MROH2A: variants seen among roughly 807,000 people sequenced by gnomAD.
MROH2A encodes maestro heat like repeat family member 2A.
MROH2A carries 174 observed loss-of-function variants against 200.4 expected under a neutral mutation model. That is an observed-to-expected ratio of 0.87 (90% CI 0.77 to 0.98). The LOEUF (loss-of-function observed/expected upper bound fraction) is 0.98. Among genes scored for constraint, MROH2A ranks in the 50% least tolerant of loss-of-function variants. The pLI, the probability that MROH2A is intolerant of heterozygous loss-of-function variation, is 0.00. For synonymous variants in MROH2A, 829 were observed against 840.4 expected, an observed-to-expected ratio of 0.99 and a Z score of 0.23; for missense variants, 2,045 against 2,139.6, an observed-to-expected ratio of 0.96 and a Z score of 0.87.
At chr2:233,822,318 G>A in intron 32 of MROH2A, 35 bp downstream of exon 32, 1 of 1,548,264 alleles carries the variant, frequency 6.5e-7, no homozygotes, top group Non-Finnish European at 8.7e-7. Context: ...GGCTCCTCAG[G>A]GGTCTCTGGG....
At chr2:233,816,683 C>T (rs757695158) in intron 26 of MROH2A, 98 bp from the exon 27 acceptor site, 58 of 683,366 alleles carry the variant, frequency 8.5e-5, no homozygotes, top group Non-Finnish European at 6.7e-5. Context: ...CATTGAAAGT[C>T]GATCTGAGTA....
chr2:233,787,665 T>G (rs62648949), intron 3 of MROH2A, among the ~76,000 whole-genome samples: 3 of 75,898 alleles, frequency 4.0e-5, no homozygotes, highest in Admixed American at 4.6e-4. Flanking sequence ...ACATATATAT[T>G]ATATATATTA....
intron 3 of MROH2A, among the ~76,000 whole-genome samples, chr2:233,788,924 G>A (rs577349602): frequency 5.3e-4 from 62 of 116,958 alleles, no homozygotes; most frequent in African/African-American, 1.9e-3. Context: ...GGGCGGCAGA[G>A]CGAGACTCCG....
At position 233,829,080 on chromosome 2, in the gene MROH2A, C is replaced by T. The variant is rs1023460191; in HGVS notation, c.4446+8C>T. The T allele has an allele frequency of 3.5e-5, 52 of 1,500,062 alleles. No homozygotes were observed. Among genetic ancestry groups the T allele is most frequent in the East Asian group, 7.4e-5 (3 of 40,420 alleles). 92.9% of individuals were successfully genotyped at this position (1,500,062 alleles called of 1,614,324 possible). A position where few individuals can be genotyped will look rare whatever the true frequency, so the allele number is the denominator to read the frequency against. ...AGGATCTTCTTCGACAACGTGAGTC[C>T]GATGAGAGCCTCCCTGAGCTTGCTC... On this transcript the variant is annotated splice_region_variant and intron_variant, in intron 37 of 41. Transcript: ENST00000389758.
At position 233,807,671 on chromosome 2, in the gene MROH2A, G is replaced by A; in HGVS notation, c.2173-62G>A. The A allele has an allele frequency of 1.3e-6, 2 of 1,549,396 alleles. No individual in the cohort carries two copies. Among genetic ancestry groups the A allele is most frequent in the Non-Finnish European group, 1.7e-6 (2 of 1,146,420 alleles). On this transcript the variant is annotated intron_variant, in intron 20 of 41. Coordinates refer to ENST00000389758, the MANE Select transcript of MROH2A (RefSeq NM_001394639.1). The surrounding 1 kb of genome is among the most constrained non-coding windows in gnomAD (Gnocchi z 4.3). ...GTGTGTGTGCCTTGCACGTGTGTGT[G>A]TGGGATCCTCCTCTGCCCACTGGCC... is the stretch of plus-strand genomic sequence containing the variant.
At chr2:233,806,337 TC>T (rs1444452433) in intron 19 of MROH2A, among the ~76,000 whole-genome samples, 2 of 152,142 alleles carry the variant, frequency 1.3e-5, no homozygotes, top group East Asian at 3.9e-4. Context: ...TTCTACTACT[TC>T]CTGTTTGTTT....
In MROH2A at chr2:233,828,904, G is replaced by A; in HGVS notation, c.4278G>A (p.Arg1426=). Residue 1426 remains arginine (R), a synonymous_variant, in exon 37 of 42, where the codon CGG becomes CGA. Transcript: ENST00000389758. This position sits in a 1 kb window ranked among gnomAD's most constrained non-coding sequence, Gnocchi z 4.6. ...TGCCCCTCCAGGTGAAGCAGTACCG[G>A]AAGGTCTTGCTGGAGAAGTGCCTGG... is the stretch of plus-strand genomic sequence containing the variant. ...LGAPKKVKQY[R]KVLLEKCLGP... 1 of 1,550,488 alleles carries A rather than the reference G, an allele frequency of 6.4e-7. No individual in the cohort carries two copies. The highest frequency in any genetic ancestry group is 1.7e-4 in the Middle Eastern group (1 of 5,992).
chr2:233,819,745 G>C (rs1230958989), intron 30 of MROH2A, among the ~76,000 whole-genome samples, 157 bp from the exon 31 acceptor site: 12 of 152,222 alleles, frequency 7.9e-5, no homozygotes, highest in African/African-American at 2.9e-4. Flanking sequence ...TGAGTTTGAG[G>C]CAGAGACCAG....
In MROH2A at chr2:233,823,588, A is replaced by G. The variant is rs1461777086; in HGVS notation, c.4037A>G (p.Gln1346Arg). The G allele has an allele frequency of 3.2e-6, 5 of 1,550,416 alleles. No homozygotes were observed. In the East Asian group the frequency reaches 9.8e-5, roughly 30 times the overall value. Residue 1346 changes from glutamine to arginine, a missense_variant, in exon 35 of 42, where the codon CAG (glutamine) becomes CGG (arginine). By Grantham distance (43) the Gln-to-Arg change is conservative. Around this residue, in one of 3 missense-constraint regions of MROH2A, gnomAD observed 1,201 missense variants for 1,311.3 expected, o/e 0.92. Coordinates refer to ENST00000389758, the MANE Select transcript of MROH2A (RefSeq NM_001394639.1). ...LCMQHVEGHRQRLAELVLRGM... is the reference protein window; with the variant it reads ...LCMQHVEGHRRRLAELVLRGM... ...ATGCAGCACGTGGAGGGCCACAGGCAGAGGCTGGCCGAGCTGGTGCTCAGG... is the reference window on the plus strand; with the variant it reads ...ATGCAGCACGTGGAGGGCCACAGGCGGAGGCTGGCCGAGCTGGTGCTCAGG...
chr2:233,824,164 C>A (rs1181358285), intron 35 of MROH2A, among the ~76,000 whole-genome samples: 1 of 152,202 alleles, frequency 6.6e-6, no homozygotes, highest in Non-Finnish European at 1.5e-5. Context: ...GGCTTTGTGG[C>A]CAACTAAGCT....
At chr2:233,790,037 C>A (rs1258032990) in intron 5 of MROH2A, 23 bp downstream of exon 5, 1 of 1,527,534 alleles carries the variant, frequency 6.5e-7, no homozygotes, top group Admixed American at 2.0e-5. Flanking sequence ...GGGCCCTCAG[C>A]CGGGCCCAGT....
intron 13 of MROH2A, 80 bp from the exon 14 acceptor site, chr2:233,800,125 G>A: frequency 3.5e-6 from 4 of 1,136,740 alleles, no homozygotes; most frequent in East Asian, 2.6e-5. Flanking sequence ...GGAGCCCCTG[G>A]GGAGTGAGGA....
At position 233,794,422 on chromosome 2, in the gene MROH2A, T is replaced by C; in HGVS notation, c.882T>C (p.Asp294=). ...TGCTCGGCCTCCTTCTGCCCAACGATGACCTGCGGGAGCAGGTCTACGACT... is the reference window on the plus strand; with the variant it reads ...TGCTCGGCCTCCTTCTGCCCAACGACGACCTGCGGGAGCAGGTCTACGACT... ...KPMLGLLLPN[D]DLREQVYDYI... is the part of the protein sequence containing the mutation. Residue 294 remains aspartate, a synonymous_variant, in exon 8 of 42, where the codon GAT becomes GAC. Transcript: ENST00000389758. The C allele has an allele frequency of 6.5e-7, 1 of 1,549,878 alleles. No homozygotes were observed. The highest frequency in any genetic ancestry group is 8.7e-7 in the Non-Finnish European group (1 of 1,146,668).
intron 14 of MROH2A, 52 bp from the exon 15 acceptor site, chr2:233,802,116 G>C (rs1702510673): frequency 1.3e-6 from 2 of 1,509,410 alleles, no homozygotes; most frequent in African/African-American, 1.4e-5. Context: ...CTCCTTAGAA[G>C]CCCAGGGCTT....
intron 3 of MROH2A, among the ~76,000 whole-genome samples, chr2:233,785,459 C>CT (rs751446084): frequency 9.3e-6 from 1 of 107,412 alleles, no homozygotes; most frequent in Admixed American, 1.1e-4. Flanking sequence ...CAGAGCGAGA[C>CT]TTTGTCTCAA....
chr2:233,787,492 T>TAC (rs1284099369), intron 3 of MROH2A, among the ~76,000 whole-genome samples: 3 of 127,628 alleles, frequency 2.4e-5, no homozygotes, highest in African/African-American at 9.0e-5. Context: ...ATAATATATA[T>TAC]ACATATACAT....
Position 233,820,508 on chromosome 2 carries a change from C to G in MROH2A, c.3512+452C>G, listed in dbSNP as rs182321140. On this transcript the variant is annotated intron_variant, in intron 31 of 41. Transcript: ENST00000389758. This position sits in a 1 kb window ranked among gnomAD's most constrained non-coding sequence, Gnocchi z 4.1. Reference sequence around the variant, plus strand: ...CTCCAAGGGGAGAATGGCCCAACCTCCAGCCCCAGAGGTGGCCATGAGTGA... The same window carrying G: ...CTCCAAGGGGAGAATGGCCCAACCTGCAGCCCCAGAGGTGGCCATGAGTGA... 8.5e-5 allele frequency among the ~76,000 whole-genome samples: 13 copies of G among 152,280 alleles called. 1 individual carries two copies. In the East Asian group the frequency reaches 2.5e-3, roughly 30 times the overall value.
At chr2:233,798,442 C>G (rs1215191060) in intron 11 of MROH2A, among the ~76,000 whole-genome samples, 3 of 152,206 alleles carry the variant, frequency 2.0e-5, no homozygotes, top group African/African-American at 7.2e-5. Flanking sequence ...TTTGCAACCT[C>G]TGTGTGCCCA....
At chr2:233,832,773 A>C in intron 41 of MROH2A, 129 bp downstream of exon 41, 1 of 676,292 alleles carries the variant, frequency 1.5e-6, no homozygotes, top group Non-Finnish European at 2.6e-6. Flanking sequence ...TGGGAGTGCA[A>C]CCAGGGCAGA....
Sources: gnomAD v4.1 joint callset for allele counts (sites outside exome capture counted in the v4.1 genomes callset) on GRCh38, gnomAD v4.1.1 for gene constraint, gnomAD v4.1.1 regional missense constraint, Gnocchi (gnomAD v3.1) non-coding constraint, MANE v1.5 for transcripts, NCBI Gene and HGNC (gene_info 2026-07-23, HGNC 2026-07-21) for gene names.